The following PCDH15 variants were observed in gnomAD, a reference collection of about 807,000 sequenced individuals.
PCDH15 encodes the protein protocadherin-15.
A neutral mutation model predicts 178.5 loss-of-function variants in PCDH15; 129 were observed. The observed-to-expected ratio is 0.72, with a 90% CI of 0.63 to 0.84. The LOEUF is 0.84. Ranked by LOEUF, PCDH15 falls within the 40% of genes least tolerant of loss-of-function variation. The pLI is 0.00. For synonymous variants in PCDH15, 800 were observed against 732.0 expected (o/e 1.09, Z -1.50); for missense variants, 2,230 against 2,099.9 (o/e 1.06, Z -1.21).
chr10:54,557,983 T>C (rs2087529725), intron 2 of PCDH15, among the ~76,000 whole-genome samples: 1 of 152,072 alleles, frequency 6.6e-6, no homozygotes. Flanking sequence ...AATATTTCTA[T>C]GTAGCCACTC....
At chr10:54,645,261 A>G (rs2094103805) in intron 2 of PCDH15, among the ~76,000 whole-genome samples, 1 of 152,138 alleles carries the variant, frequency 6.6e-6, no homozygotes, top group South Asian at 2.1e-4. Context: ...TTTGGAATTT[A>G]AATTAGCTAG....
At chr10:54,855,136 C>T (rs1204052057) in intron 3 of PCDH15, among the ~76,000 whole-genome samples, 1 of 152,238 alleles carries the variant, frequency 6.6e-6, no homozygotes, top group Non-Finnish European at 1.5e-5. Context: ...AAAGCAAGTA[C>T]CAACAGCAGG....
intron 1 of PCDH15, among the ~76,000 whole-genome samples, chr10:54,749,020 A>G (rs1227627225): frequency 1.3e-5 from 2 of 152,188 alleles, no homozygotes; most frequent in Non-Finnish European, 2.9e-5. Context: ...TATTTTATAA[A>G]GGTGAGTGGG....
At chr10:55,218,629 T>C (rs536389440) in intron 1 of PCDH15, among the ~76,000 whole-genome samples, 101 of 152,166 alleles carry the variant, frequency 6.6e-4, no homozygotes, top group Middle Eastern at 6.8e-3. Context: ...CGTTGATAGG[T>C]AAGCCATCAA....
intron 12 of PCDH15, among the ~76,000 whole-genome samples, chr10:54,184,309 T>C (rs573775910): frequency 2.6e-5 from 4 of 152,248 alleles, no homozygotes; most frequent in African/African-American, 9.6e-5. Context: ...TCTACATATC[T>C]TGTTTAACTT....
In PCDH15 at chr10:55,442,486, T is replaced by TA. The variant is rs1285147626; in HGVS notation, c.-156+185138dup. On this transcript the variant is annotated intron_variant, in intron 2 of 5. Transcript: ENST00000613346. ...ATATATATATTATATATATATTATA[T>TA]ATATATATATATATGTAAGCTGGGG... is the stretch of plus-strand genomic sequence containing the variant. Among the ~76,000 whole-genome samples the TA allele has an allele frequency of 4.7e-3, 332 of 70,002 alleles. 2 individuals carry two copies. Among genetic ancestry groups the TA allele is most frequent in the African/African-American group, 0.019 (316 of 17,058 alleles). 45.9% of individuals were successfully genotyped at this position (70,002 alleles called of 152,430 possible). A position where few individuals can be genotyped will look rare whatever the true frequency, so the allele number is the denominator to read the frequency against.
intron 3 of PCDH15, among the ~76,000 whole-genome samples, chr10:54,427,553 C>T (rs1454576027): frequency 1.3e-5 from 2 of 152,022 alleles, no homozygotes; most frequent in Non-Finnish European, 2.9e-5. Context: ...GCTGGGATTA[C>T]AGGCGTGAGC....
At chr10:55,607,613 T>C (rs1843253208) in intron 2 of PCDH15, among the ~76,000 whole-genome samples, 3 of 146,990 alleles carry the variant, frequency 2.0e-5, no homozygotes, top group African/African-American at 7.6e-5. Context: ...ATGGATGAAA[T>C]TGGAAATCAT....
intron 2 of PCDH15, among the ~76,000 whole-genome samples, chr10:55,411,969 A>C (rs1021962787): frequency 1.3e-5 from 2 of 152,100 alleles, no homozygotes; most frequent in Admixed American, 1.3e-4. Flanking sequence ...GTGAAATCCC[A>C]GTGGGAATGA....
chr10:55,304,962 A>G (rs979032505), intron 1 of PCDH15, among the ~76,000 whole-genome samples: 5 of 152,232 alleles, frequency 3.3e-5, no homozygotes, highest in African/African-American at 1.2e-4. Context: ...TATTTTCATA[A>G]TATTTCAAAT....
intron 2 of PCDH15, among the ~76,000 whole-genome samples, chr10:55,369,001 T>C (rs1845429613): frequency 7.1e-6 from 1 of 140,762 alleles, no homozygotes; most frequent in Non-Finnish European, 1.5e-5. Flanking sequence ...CTGATCTCAT[T>C]TTTGGGACCA....
At chr10:54,972,949 T>C (rs1233321688) in intron 2 of PCDH15, among the ~76,000 whole-genome samples, 1 of 150,576 alleles carries the variant, frequency 6.6e-6, no homozygotes, top group African/African-American at 2.4e-5. Context: ...TATTATGAAA[T>C]ATTTAATAAC....
rs541517634 is a variant in PCDH15 at position 55,442,651 on chromosome 10, CA to C, written c.-156+184973del. Among the ~76,000 whole-genome samples, 319 of 148,040 alleles carry C rather than the reference CA, an allele frequency of 2.2e-3. 1 individual carries two copies. Among genetic ancestry groups the C allele is most frequent in the South Asian group, 4.3e-3 (20 of 4,680 alleles). ...TTCTGAAACTTTTAATTAATTAAGCCAAAAAAAAGAGATCCTGTAAATAAAT... is the reference window on the plus strand; with the variant it reads ...TTCTGAAACTTTTAATTAATTAAGCCAAAAAAAGAGATCCTGTAAATAAAT... On this transcript the variant is annotated intron_variant, in intron 2 of 5. Coordinates refer to the PCDH15 transcript ENST00000613346.
At chr10:54,740,800 T>C (rs1286502655) in intron 1 of PCDH15, among the ~76,000 whole-genome samples, 1 of 151,980 alleles carries the variant, frequency 6.6e-6, no homozygotes, top group Non-Finnish European at 1.5e-5. Context: ...TTCTCACTAA[T>C]ATGCGGGAGC....
intron 14 of PCDH15, among the ~76,000 whole-genome samples, chr10:54,146,834 G>T (rs1427857000): frequency 1.3e-5 from 2 of 149,018 alleles, no homozygotes; most frequent in Middle Eastern, 3.2e-3. Context: ...TAGCTTACAT[G>T]CCATGGTTGC....
rs116591267 is a variant in PCDH15, at chr10:54,411,285, C to T, written c.158-32343G>A. 5.1e-3 allele frequency among the ~76,000 whole-genome samples: 772 copies of T among 152,188 alleles called. 4 individuals carry two copies. Among genetic ancestry groups the T allele is most frequent in the African/African-American group, 0.017 (720 of 41,522 alleles). On this transcript the variant is annotated intron_variant, in intron 3 of 37. Transcript: ENST00000644397. ...TTATTTTGGCTGGATTTAAAGGCCACTTCCCAAAATTTGTGCAGAATCTTT... is the reference window on the plus strand; with the variant it reads ...TTATTTTGGCTGGATTTAAAGGCCATTTCCCAAAATTTGTGCAGAATCTTT...
At chr10:54,109,017 A>G (rs897696867) in intron 15 of PCDH15, among the ~76,000 whole-genome samples, 1 of 152,194 alleles carries the variant, frequency 6.6e-6, no homozygotes, top group Non-Finnish European at 1.5e-5. Context: ...AGTGATACCC[A>G]GGTAGTACAC....
At chr10:54,553,177 A>G (rs139630088) in intron 2 of PCDH15, among the ~76,000 whole-genome samples, 17 of 152,296 alleles carry the variant, frequency 1.1e-4, no homozygotes, top group African/African-American at 3.4e-4. Flanking sequence ...ATTCAGGTGT[A>G]CTTTACTTAC....
intron 2 of PCDH15, among the ~76,000 whole-genome samples, chr10:55,000,896 G>A (rs1839780844): frequency 6.6e-6 from 1 of 151,956 alleles, no homozygotes; most frequent in Non-Finnish European, 1.5e-5. Flanking sequence ...ATTGATGACT[G>A]CTTGGCAAAT....
Sources: gnomAD v4.1 joint callset for allele counts (sites outside exome capture counted in the v4.1 genomes callset) on GRCh38, gnomAD v4.1.1 for gene constraint, MANE v1.5 for transcripts, NCBI Gene and HGNC (gene_info 2026-07-23, HGNC 2026-07-21) for gene names.